TMPRSS9: variants seen among roughly 807,000 people sequenced by gnomAD.
The protein encoded by TMPRSS9 is transmembrane protease serine 9.
In TMPRSS9, 113 loss-of-function variants were observed where a neutral mutation model predicts 111.4. That is an observed-to-expected ratio of 1.01 (90% CI 0.87 to 1.19). The LOEUF is 1.19. TMPRSS9 is among the 50% of genes most tolerant of loss of function. The pLI, the probability that TMPRSS9 is intolerant of heterozygous loss-of-function variation, is 0.00. For missense variants in TMPRSS9, 1,803 were observed against 1,513.1 expected (o/e 1.19, Z -3.18); for synonymous variants, 805 against 659.1 (o/e 1.22, Z -3.39).
chr19:2,367,175 G>C (rs183039077), intron 1 of TMPRSS9, among the ~76,000 whole-genome samples: 19 of 152,048 alleles, frequency 1.2e-4, no homozygotes. Context: ...ACACACACTC[G>C]GAGAGGGAAA....
chr19:2,374,478 G>A (rs1970314915), intron 1 of TMPRSS9, among the ~76,000 whole-genome samples: 1 of 151,690 alleles, frequency 6.6e-6, no homozygotes, highest in Admixed American at 6.6e-5. Context: ...GGAGACTGAG[G>A]CTAGAGGATT....
intron 1 of TMPRSS9, among the ~76,000 whole-genome samples, chr19:2,374,241 C>T (rs2048916648): frequency 7.6e-6 from 1 of 130,874 alleles, no homozygotes; most frequent in South Asian, 2.7e-4. Context: ...TGATTTCTCT[C>T]AACAATCTTT....
intron 8 of TMPRSS9, 49 bp from the exon 10 acceptor site, chr19:2,410,209 G>A (rs753312105): frequency 1.9e-6 from 3 of 1,604,616 alleles, no homozygotes; most frequent in Non-Finnish European, 1.7e-6. Context: ...CAAAGTGGCT[G>A]CCAGGGCTCC....
At chr19:2,388,599 C>T (rs773406763), upstream of TMPRSS9, among the ~76,000 whole-genome samples, 1 of 152,150 alleles carries the variant, frequency 6.6e-6, no homozygotes, top group Non-Finnish European at 1.5e-5. Flanking sequence ...ACTTTCAGAA[C>T]TGTGAGATAA....
chr19:2,397,409 G>A (rs1970733457), intron 2 of TMPRSS9, among the ~76,000 whole-genome samples: 1 of 151,968 alleles, frequency 6.6e-6, no homozygotes, highest in Admixed American at 6.6e-5. Flanking sequence ...TCCTGTCTCA[G>A]CCTCCTGAGT....
At chr19:2,401,172 G>A (rs916133604) in intron 4 of TMPRSS9, among the ~76,000 whole-genome samples, 1 of 152,062 alleles carries the variant, frequency 6.6e-6, no homozygotes, top group Admixed American at 6.6e-5. Flanking sequence ...TGCTTGGGAC[G>A]CTGAGGCAGG....
intron 1 of TMPRSS9, among the ~76,000 whole-genome samples, chr19:2,368,560 C>T (rs978179815): frequency 5.9e-5 from 9 of 151,952 alleles, no homozygotes; most frequent in African/African-American, 9.7e-5. Context: ...TGTCACCTGA[C>T]GCGGGTCTTA....
chr19:2,361,164 TCTGGGGTGTGGTGCGGGG>T (rs778060804), intron 1 of TMPRSS9, among the ~76,000 whole-genome samples: 4,170 of 60,394 alleles, frequency 0.069, 191 homozygotes, highest in Middle Eastern at 0.18. Flanking sequence ...GGGAGGTGAG[TCTGGGGTGTGGTGCGGGG>T]CTGGGGTGGG....
intron 1 of TMPRSS9, among the ~76,000 whole-genome samples, chr19:2,379,708 C>T (rs1970371204): frequency 7.2e-6 from 1 of 137,978 alleles, no homozygotes; most frequent in Admixed American, 7.5e-5. Flanking sequence ...CTTCCTTCCT[C>T]TCTCCCTTCC....
intron 10 of TMPRSS9, among the ~76,000 whole-genome samples, chr19:2,414,939 CTA>C (rs767287942): frequency 7.1e-6 from 1 of 141,456 alleles, no homozygotes; most frequent in Admixed American, 7.0e-5. Context: ...AGTTGCATTC[CTA>C]TTTTTTTTTT....
chr19:2,362,602 T>C (rs1970209615), intron 1 of TMPRSS9, among the ~76,000 whole-genome samples: 1 of 152,146 alleles, frequency 6.6e-6, no homozygotes, highest in Non-Finnish European at 1.5e-5. Context: ...TTGCATATGA[T>C]TGTGGCAATA....
chr19:2,405,436 C>A, exon 7 of TMPRSS9: 1 of 1,607,930 alleles, frequency 6.2e-7, no homozygotes, highest in Non-Finnish European at 8.5e-7. Flanking sequence ...GGAAGCATCC[C>A]CGGGGGAGTT....
exon 12 of TMPRSS9, chr19:2,416,680 C>G: frequency 1.9e-6 from 3 of 1,613,140 alleles, no homozygotes; most frequent in South Asian, 2.2e-5. Context: ...CCTGGCTGTC[C>G]TGGAGCTGGC....
chr19:2,396,441 G>A (rs1200169363), intron 1 of TMPRSS9, 98 bp from the exon 3 acceptor site: 3 of 1,408,302 alleles, frequency 2.1e-6, no homozygotes, highest in Non-Finnish European at 2.8e-6. Flanking sequence ...GACCACCAGG[G>A]TGTGTGAGTG....
intron 1 of TMPRSS9, among the ~76,000 whole-genome samples, chr19:2,362,837 GGT>G (rs1038551787): frequency 1.3e-5 from 2 of 151,420 alleles, no homozygotes; most frequent in African/African-American, 4.9e-5. Context: ...GTTTTGTGAG[GGT>G]GTGTGTGGTT....
intron 6 of TMPRSS9, among the ~76,000 whole-genome samples, chr19:2,403,821 C>T (rs921092196): frequency 2.0e-5 from 3 of 151,754 alleles, no homozygotes; most frequent in Non-Finnish European, 2.9e-5. Context: ...GTGAAACCCC[C>T]TCTCTACTAA....
At chr19:2,362,445 G>A (rs907767331) in intron 1 of TMPRSS9, among the ~76,000 whole-genome samples, 1 of 152,048 alleles carries the variant, frequency 6.6e-6, no homozygotes, top group Admixed American at 6.6e-5. Flanking sequence ...GTGTGAGACC[G>A]TGTATGGTTG....
intron 10 of TMPRSS9, chr19:2,414,284 G>C: frequency 3.1e-6 from 1 of 322,918 alleles, no homozygotes; most frequent in Admixed American, 4.3e-5. Context: ...CCGTCGCCCA[G>C]GCTGGAGTGC....
chr19:2,422,374 T>G, intron 14 of TMPRSS9, 127 bp downstream of exon 15: 1 of 1,157,500 alleles, frequency 8.6e-7, no homozygotes, highest in Non-Finnish European at 1.2e-6. Flanking sequence ...GGTCAGGAGA[T>G]CGAGACCATC....
Sources: gnomAD v4.1 joint callset for allele counts (sites outside exome capture counted in the v4.1 genomes callset) on GRCh38, gnomAD v4.1.1 for gene constraint, MANE v1.5 for transcripts, NCBI Gene and HGNC (gene_info 2026-07-23, HGNC 2026-07-21) for gene names.